NCALD: variants seen among roughly 807,000 people sequenced by gnomAD.
The protein encoded by NCALD is neurocalcin delta.
Under a neutral mutation model 18.6 loss-of-function variants are expected in NCALD, and 10 were observed. The ratio of observed to expected loss-of-function variants is 0.54; its 90% CI spans 0.33 to 0.91. The LOEUF (loss-of-function observed/expected upper bound fraction) is 0.91, where lower values mean the gene tolerates loss of function less well. Ranked by LOEUF, NCALD falls within the 40% of genes least tolerant of loss-of-function variation. NCALD has a pLI of 0.03. For missense variants in NCALD, 184 were observed against 247.6 expected (o/e 0.74, Z 1.72); for synonymous variants, 88 against 87.4 (o/e 1.01, Z -0.04).
chr8:101,822,206 C>T (rs955734654), intron 4 of NCALD, among the ~76,000 whole-genome samples: 9 of 152,116 alleles, frequency 5.9e-5, no homozygotes, highest in Admixed American at 2.6e-4. Flanking sequence ...TTTTTGTAGT[C>T]ATAGTCTATC....
At chr8:102,046,679 A>AT (rs1823254649) in intron 1 of NCALD, among the ~76,000 whole-genome samples, 1 of 151,548 alleles carries the variant, frequency 6.6e-6, no homozygotes, top group African/African-American at 2.4e-5. Flanking sequence ...TAATTTTTGT[A>AT]TTTTTTGTAG....
upstream of NCALD, among the ~76,000 whole-genome samples, chr8:101,793,265 G>T (rs542183791): frequency 6.6e-5 from 10 of 151,506 alleles, no homozygotes; most frequent in African/African-American, 2.4e-4. Context: ...CAGGAGGATC[G>T]CTTGAACCTG....
chr8:101,847,126 G>C (rs1335042257), intron 4 of NCALD: 1 of 152,364 alleles, frequency 6.6e-6, no homozygotes, highest in African/African-American at 2.4e-5. Flanking sequence ...GTCACCAAGT[G>C]GGACTTCTAG....
intron 2 of NCALD, among the ~76,000 whole-genome samples, chr8:102,005,220 A>G (rs1489969644): frequency 2.0e-5 from 3 of 152,272 alleles, no homozygotes; most frequent in Non-Finnish European, 4.4e-5. Context: ...GGCGAAGGAT[A>G]TGAACAGACA....
intron 1 of NCALD, among the ~76,000 whole-genome samples, chr8:102,122,548 C>T (rs1343899400): frequency 1.3e-5 from 2 of 152,042 alleles, no homozygotes; most frequent in South Asian, 2.1e-4. Flanking sequence ...GAGAAGAGGG[C>T]GTATAGCAAC....
At chr8:101,844,978 ATC>A (rs1247263108) in intron 4 of NCALD, among the ~76,000 whole-genome samples, 1 of 152,212 alleles carries the variant, frequency 6.6e-6, no homozygotes, top group Non-Finnish European at 1.5e-5. Flanking sequence ...TGTTCCCAGC[ATC>A]CCAACTGTGC....
At chr8:102,025,622 A>G (rs1264463874) in intron 1 of NCALD, among the ~76,000 whole-genome samples, 1 of 152,222 alleles carries the variant, frequency 6.6e-6, no homozygotes, top group Non-Finnish European at 1.5e-5. Context: ...CCTGAACAGA[A>G]TTAAATTGGA....
At chr8:101,881,864 G>GAT (rs149687869) in intron 4 of NCALD, among the ~76,000 whole-genome samples, 5,129 of 152,284 alleles carry the variant, frequency 0.034, 151 homozygotes, top group Admixed American at 0.088. Context: ...GAACTGCAAA[G>GAT]ATACCATCCT....
intron 4 of NCALD, among the ~76,000 whole-genome samples, chr8:101,855,687 A>C (rs556309258): frequency 1.3e-5 from 2 of 152,326 alleles, no homozygotes; most frequent in Non-Finnish European, 2.9e-5. Flanking sequence ...TGGAAGGTAG[A>C]GTACAAGTGC....
chr8:101,803,138 G>C (rs1228379540), intron 4 of NCALD, among the ~76,000 whole-genome samples: 1 of 152,166 alleles, frequency 6.6e-6, no homozygotes, highest in Non-Finnish European at 1.5e-5. Flanking sequence ...CTCTTTGTTA[G>C]GAGCTAATGC....
At chr8:102,009,235 AC>A (rs1821821903) in intron 2 of NCALD, among the ~76,000 whole-genome samples, 1 of 152,230 alleles carries the variant, frequency 6.6e-6, no homozygotes, top group Non-Finnish European at 1.5e-5. Context: ...TGGTCCAATG[AC>A]CTTTCTATTA....
intron 4 of NCALD, among the ~76,000 whole-genome samples, chr8:101,882,153 T>C (rs1816514838): frequency 6.6e-6 from 1 of 152,186 alleles, no homozygotes; most frequent in Non-Finnish European, 1.5e-5. Context: ...TAGTGCTATG[T>C]TGAAAAAAAC....
chr8:101,964,000 T>C (rs1325290766), intron 2 of NCALD, among the ~76,000 whole-genome samples: 1 of 152,222 alleles, frequency 6.6e-6, no homozygotes, highest in East Asian at 1.9e-4. Flanking sequence ...GTACATCCTA[T>C]TATTTTAAAT....
intron 1 of NCALD, chr8:101,750,222 TC>T (rs5893583): frequency 0.73 from 111,007 of 151,480 alleles, 41,046 homozygotes; most frequent in East Asian, 0.84. Context: ...TCCCACCGGG[TC>T]CCCCCCCCAT....
At chr8:101,763,590 T>A (rs1811204700) in intron 1 of NCALD, among the ~76,000 whole-genome samples, 1 of 152,128 alleles carries the variant, frequency 6.6e-6, no homozygotes, top group African/African-American at 2.4e-5. Context: ...CCTGGGTATT[T>A]TATGAGGGTG....
intron 2 of NCALD, among the ~76,000 whole-genome samples, chr8:101,931,649 T>C (rs1301499583): frequency 6.7e-6 from 1 of 148,762 alleles, no homozygotes; most frequent in Non-Finnish European, 1.5e-5. Context: ...TTTCTCGTAT[T>C]TTCTTTGTTT....
intron 1 of NCALD, among the ~76,000 whole-genome samples, chr8:101,763,966 C>CCCTCTCTCCA (rs1554624883): frequency 3.5e-4 from 30 of 85,298 alleles, no homozygotes; most frequent in East Asian, 3.2e-3. Flanking sequence ...CTCTCTCTCT[C>CCCTCTCTCCA]CACACACACA....
intron 1 of NCALD, among the ~76,000 whole-genome samples, chr8:102,045,665 C>CA (rs148478254): frequency 0.015 from 2,239 of 152,124 alleles, 25 homozygotes; most frequent in Non-Finnish European, 0.025. Context: ...CCACGGAGAA[C>CA]AAAAAAATTC....
chr8:101,864,184 G>T (rs887330560), intron 4 of NCALD, among the ~76,000 whole-genome samples: 2 of 152,106 alleles, frequency 1.3e-5, no homozygotes, highest in East Asian at 1.9e-4. Flanking sequence ...CCTGCTATAC[G>T]GTGGCTCAAA....
Sources: gnomAD v4.1 joint callset for allele counts (sites outside exome capture counted in the v4.1 genomes callset) on GRCh38, gnomAD v4.1.1 for gene constraint, MANE v1.5 for transcripts, NCBI Gene and HGNC (gene_info 2026-07-23, HGNC 2026-07-21) for gene names.